Variants in SAXO1 observed in about 807,000 individuals in gnomAD.
SAXO1 encodes stabilizer of axonemal microtubules 1.
In SAXO1, 21 loss-of-function variants were observed where a neutral mutation model predicts 17.5. The ratio of observed to expected loss-of-function variants is 1.20; its 90% CI spans 0.85 to 1.72. SAXO1 has a LOEUF of 1.72. SAXO1 is among the 40% of genes most tolerant of loss of function. The pLI is 0.00. For synonymous variants in SAXO1, 274 were observed against 216.5 expected (o/e 1.27, Z -2.33); for missense variants, 843 against 596.0 (o/e 1.41, Z -4.32).
At chr9:18,962,357 C>T (rs1238060738) in intron 1 of SAXO1, among the ~76,000 whole-genome samples, 1 of 152,168 alleles carries the variant, frequency 6.6e-6, no homozygotes, top group Admixed American at 6.6e-5. Context: ...CATGAGCCAC[C>T]GCACCCGGCT....
intron 1 of SAXO1, among the ~76,000 whole-genome samples, chr9:19,014,203 G>C (rs1834869484): frequency 6.6e-6 from 1 of 152,020 alleles, no homozygotes. Context: ...GCTCACACCT[G>C]TAATCGCAGC....
chr9:18,996,152 G>T (rs535326404), intron 1 of SAXO1, among the ~76,000 whole-genome samples: 10 of 151,616 alleles, frequency 6.6e-5, no homozygotes, highest in Non-Finnish European at 5.9e-5. Context: ...ATCATTTAAT[G>T]AATCCCCAAA....
At chr9:19,010,732 A>G (rs944592153) in intron 1 of SAXO1, among the ~76,000 whole-genome samples, 1 of 152,204 alleles carries the variant, frequency 6.6e-6, no homozygotes, top group African/African-American at 2.4e-5. Context: ...TATCAAAGAA[A>G]TCAAGAAGGT....
upstream of SAXO1, chr9:19,033,272 G>A (rs866790150): frequency 9.4e-5 from 23 of 244,464 alleles, no homozygotes; most frequent in South Asian, 1.4e-3. Flanking sequence ...AGGGCCAGGA[G>A]GGGCACGCCT....
intron 1 of SAXO1, among the ~76,000 whole-genome samples, chr9:18,982,073 T>A (rs1300453426): frequency 6.6e-6 from 1 of 152,132 alleles, no homozygotes; most frequent in Non-Finnish European, 1.5e-5. Flanking sequence ...CTCTGTGTTC[T>A]CCCTCCATTC....
chr9:18,951,054 A>G, intron 1 of SAXO1, 117 bp from the exon 2 acceptor site: 1 of 1,056,446 alleles, frequency 9.5e-7, no homozygotes, highest in Non-Finnish European at 1.4e-6. Flanking sequence ...GCCAACATTG[A>G]AAACCAGAAT....
At chr9:18,964,917 A>G (rs1207773844) in intron 1 of SAXO1, among the ~76,000 whole-genome samples, 1 of 152,282 alleles carries the variant, frequency 6.6e-6, no homozygotes, top group Non-Finnish European at 1.5e-5. Flanking sequence ...CCCTCTACAC[A>G]CTGCTTTAGC....
intron 1 of SAXO1, among the ~76,000 whole-genome samples, chr9:18,951,366 C>T (rs995788423): frequency 6.6e-6 from 1 of 152,238 alleles, no homozygotes; most frequent in Non-Finnish European, 1.5e-5. Flanking sequence ...CCAATAGGGC[C>T]AGCCAGTGTC....
intron 2 of SAXO1, among the ~76,000 whole-genome samples, chr9:18,947,259 G>T (rs1462097642): frequency 6.6e-6 from 1 of 152,200 alleles, no homozygotes; most frequent in Non-Finnish European, 1.5e-5. Flanking sequence ...AATGGGCAGT[G>T]CAAGACTCAA....
In SAXO1 at chr9:18,928,000, G is replaced by A. The variant is rs1368148556; in HGVS notation, c.*52C>T. 1.4e-6 allele frequency: 2 copies of A among 1,452,936 alleles called. No individual in the cohort carries two copies. Among genetic ancestry groups the A allele is most frequent in the East Asian group, 2.3e-5 (1 of 43,150 alleles). The allele number at this position is 1,452,936 out of a possible 1,614,324, so 90.0% of individuals were successfully genotyped here. On this transcript the variant is annotated 3_prime_UTR_variant, in exon 4 of 4. Transcript: ENST00000380534. Reference sequence around the variant, plus strand: ...TTTTTTGTCCAACAAATAATTCTCAGTTGTCTGCTTTTAAAAGTACTGTGT... The same window carrying A: ...TTTTTTGTCCAACAAATAATTCTCAATTGTCTGCTTTTAAAAGTACTGTGT...
rs867718216 is a variant in SAXO1, at chr9:18,999,605, T to C, written c.38+33266A>G. On this transcript the variant is annotated intron_variant, in intron 1 of 3. Transcript: ENST00000380534. ...CTGGGAAGTGAGGAGCGCCTCTGCC[T>C]GGCTGTCCCACCATCTGGGAAGTGA... Among the ~76,000 whole-genome samples the C allele has an allele frequency of 5.1e-3, 342 of 66,890 alleles. 6 individuals are homozygous for C. The highest frequency in any genetic ancestry group is 0.049 in the South Asian group (88 of 1,784). The allele number at this position is 66,890 out of a possible 152,430, so 43.9% of individuals were successfully genotyped here.
In SAXO1 at chr9:18,931,836, G is replaced by C. The variant is rs186025528; in HGVS notation, c.422-2781C>G. Among the ~76,000 whole-genome samples, 6 of 152,120 alleles carry C rather than the reference G, an allele frequency of 3.9e-5. 1 individual carries two copies. The highest frequency in any genetic ancestry group is 7.2e-5 in the African/African-American group (3 of 41,428). ...TGTGCTTTCATTGGTAAAATATTGAGATGTTTTGCCCATTTTAAAATTAGA... is the reference window on the plus strand; with the variant it reads ...TGTGCTTTCATTGGTAAAATATTGACATGTTTTGCCCATTTTAAAATTAGA... On this transcript the variant is annotated intron_variant, in intron 3 of 3. Coordinates refer to ENST00000380534, the MANE Select transcript of SAXO1 (RefSeq NM_153707.4).
intron 1 of SAXO1, among the ~76,000 whole-genome samples, chr9:19,021,713 AC>A (rs1237613310): frequency 6.6e-5 from 10 of 152,256 alleles, no homozygotes; most frequent in African/African-American, 2.4e-4. Context: ...TCAGGTGGGT[AC>A]TTGGAGAACT....
chr9:19,041,947 T>A (rs1836088967), intron 1 of SAXO1, among the ~76,000 whole-genome samples: 1 of 152,086 alleles, frequency 6.6e-6, no homozygotes, highest in Non-Finnish European at 1.5e-5. Flanking sequence ...ACACATGGGA[T>A]CATATCAAGT....
chr9:18,971,391 A>G (rs1180811209), intron 1 of SAXO1, among the ~76,000 whole-genome samples: 1 of 152,014 alleles, frequency 6.6e-6, no homozygotes, highest in East Asian at 1.9e-4. Context: ...GCTAATCTAT[A>G]TTTTCTGTCT....
At chr9:18,960,323 T>TG (rs1832432965) in intron 1 of SAXO1, among the ~76,000 whole-genome samples, 1 of 152,130 alleles carries the variant, frequency 6.6e-6, no homozygotes, top group Admixed American at 6.6e-5. Flanking sequence ...GCCAATCCTC[T>TG]GGGGGAAGGA....
intron 1 of SAXO1, among the ~76,000 whole-genome samples, chr9:18,992,735 C>T (rs547364459): frequency 4.6e-5 from 7 of 151,752 alleles, no homozygotes; most frequent in African/African-American, 7.3e-5. Flanking sequence ...GAGATGACTA[C>T]GATCTCATGA....
intron 1 of SAXO1, among the ~76,000 whole-genome samples, chr9:18,954,503 A>T (rs1832170026): frequency 6.6e-6 from 1 of 151,930 alleles, no homozygotes; most frequent in Admixed American, 6.6e-5. Flanking sequence ...TGCATGGGTA[A>T]TTTTTGTATT....
At chr9:18,948,966 A>C (rs796743527) in intron 2 of SAXO1, among the ~76,000 whole-genome samples, 3 of 152,170 alleles carry the variant, frequency 2.0e-5, no homozygotes. Flanking sequence ...TACCGATTAC[A>C]TGTCCCTTAT....
Sources: gnomAD v4.1 joint callset for allele counts (sites outside exome capture counted in the v4.1 genomes callset) on GRCh38, gnomAD v4.1.1 for gene constraint, MANE v1.5 for transcripts, NCBI Gene and HGNC (gene_info 2026-07-23, HGNC 2026-07-21) for gene names.